The following PID1 variants were observed in gnomAD, a reference collection of about 807,000 sequenced individuals.
PID1 encodes the protein phosphotyrosine interaction domain containing 1.
Under a neutral mutation model 19.1 loss-of-function variants are expected in PID1, and 10 were observed. The observed-to-expected ratio is 0.52, with a 90% CI of 0.32 to 0.89. The LOEUF is 0.89. Ranked by LOEUF, PID1 falls within the 40% of genes least tolerant of loss-of-function variation. The pLI, the probability that PID1 is intolerant of heterozygous loss-of-function variation, is 0.03. For missense variants in PID1, 248 were observed against 285.3 expected, an observed-to-expected ratio of 0.87 and a Z score of 0.94; for synonymous variants, 130 against 116.0, an observed-to-expected ratio of 1.12 and a Z score of -0.78.
intron 1 of PID1, among the ~76,000 whole-genome samples, chr2:229,228,504 A>G (rs1692131061): frequency 6.6e-6 from 1 of 152,248 alleles, no homozygotes; most frequent in African/African-American, 2.4e-5. Flanking sequence ...TCCTGCAAAT[A>G]TATAAATTTA....
chr2:229,052,885 T>G (rs1694024204), intron 2 of PID1, among the ~76,000 whole-genome samples: 1 of 152,194 alleles, frequency 6.6e-6, no homozygotes, highest in African/African-American at 2.4e-5. Flanking sequence ...AAGTTTCTTT[T>G]ATAAGTAAGA....
chr2:229,263,013 G>A (rs1294601879), intron 1 of PID1: 3 of 949,590 alleles, frequency 3.2e-6, no homozygotes, highest in South Asian at 2.7e-5. Context: ...CAGGTACCAG[G>A]GGTTAAGACT....
chr2:229,049,961 A>G (rs1693959422), intron 2 of PID1, among the ~76,000 whole-genome samples: 1 of 152,182 alleles, frequency 6.6e-6, no homozygotes, highest in African/African-American at 2.4e-5. Flanking sequence ...ATATATACAC[A>G]TTTGTATCTA....
At chr2:229,225,502 G>T (rs1692058689) in intron 1 of PID1, among the ~76,000 whole-genome samples, 1 of 152,106 alleles carries the variant, frequency 6.6e-6, no homozygotes, top group African/African-American at 2.4e-5. Context: ...CTACTCCAGG[G>T]CCAGGGTGTA....
At chr2:229,212,277 A>C (rs1691754429) in intron 1 of PID1, among the ~76,000 whole-genome samples, 1 of 152,224 alleles carries the variant, frequency 6.6e-6, no homozygotes, top group Non-Finnish European at 1.5e-5. Context: ...GAAATTTATA[A>C]TTCCCTTTCA....
At chr2:229,103,089 T>A (rs1695105913) in intron 2 of PID1, among the ~76,000 whole-genome samples, 1 of 152,188 alleles carries the variant, frequency 6.6e-6, no homozygotes, top group African/African-American at 2.4e-5. Flanking sequence ...GGTTCCTCTT[T>A]TTGAATCAGG....
chr2:229,128,157 C>T (rs1285507945), intron 2 of PID1, among the ~76,000 whole-genome samples: 1 of 152,156 alleles, frequency 6.6e-6, no homozygotes, highest in Non-Finnish European at 1.5e-5. Context: ...ACCAGAGTCC[C>T]CCAAACTTCA....
rs796207034 is a variant in PID1 at position 229,139,042 on chromosome 2, A to C, written c.177+16776T>G. Among the ~76,000 whole-genome samples, 69 of 79,054 alleles carry C rather than the reference A, an allele frequency of 8.7e-4. 1 individual carries two copies. Among genetic ancestry groups the C allele is most frequent in the Non-Finnish European group, 1.4e-3 (49 of 35,702 alleles). 51.9% of individuals were successfully genotyped at this position (79,054 alleles called of 152,430 possible). Reference sequence around the variant, plus strand: ...AAGAAAGAAAGAAAGAAAGAAAGAGAAAGAAAGAAAGAAAGAGAAAGAAAG... The same window carrying C: ...AAGAAAGAAAGAAAGAAAGAAAGAGCAAGAAAGAAAGAAAGAGAAAGAAAG... On this transcript the variant is annotated intron_variant, in intron 2 of 2. Transcript: ENST00000392055.
chr2:229,199,695 T>C (rs1038794010), intron 1 of PID1, among the ~76,000 whole-genome samples: 4 of 146,884 alleles, frequency 2.7e-5, no homozygotes, highest in African/African-American at 9.9e-5. Flanking sequence ...ATATATGTCT[T>C]CAAGACAAAT....
At chr2:229,195,067 G>A (rs1343690222) in intron 1 of PID1, among the ~76,000 whole-genome samples, 1 of 151,772 alleles carries the variant, frequency 6.6e-6, no homozygotes, top group Non-Finnish European at 1.5e-5. Flanking sequence ...TTGTCCATGA[G>A]GTTGAATCAT....
At chr2:229,169,705 T>G (rs556577542) in intron 1 of PID1, among the ~76,000 whole-genome samples, 2 of 152,186 alleles carry the variant, frequency 1.3e-5, no homozygotes, top group African/African-American at 4.8e-5. Flanking sequence ...GTCAGCTTCC[T>G]ATCTGCCTTC....
intron 2 of PID1, among the ~76,000 whole-genome samples, chr2:229,129,698 G>A (rs1222483587): frequency 6.6e-6 from 1 of 152,226 alleles, no homozygotes; most frequent in South Asian, 2.1e-4. Flanking sequence ...CAATCTATTT[G>A]TCCCTTTTCC....
At chr2:229,040,536 C>A (rs1287963548) in intron 2 of PID1, among the ~76,000 whole-genome samples, 1 of 151,804 alleles carries the variant, frequency 6.6e-6, no homozygotes, top group Non-Finnish European at 1.5e-5. Flanking sequence ...ACTTCTTTAA[C>A]TATACCTTTT....
chr2:229,030,947 G>A (rs1693535922), intron 2 of PID1, among the ~76,000 whole-genome samples: 1 of 152,106 alleles, frequency 6.6e-6, no homozygotes, highest in South Asian at 2.1e-4. Context: ...GCCGGGTGCA[G>A]TGGCTCACAC....
intron 2 of PID1, among the ~76,000 whole-genome samples, chr2:229,076,467 A>T (rs1280046794): frequency 2.6e-5 from 4 of 152,026 alleles, no homozygotes; most frequent in African/African-American, 9.7e-5. Context: ...ACAGGTATAC[A>T]TGTGCCATGG....
chr2:229,256,329 C>T (rs1347368238), intron 1 of PID1, among the ~76,000 whole-genome samples: 1 of 152,174 alleles, frequency 6.6e-6, no homozygotes, highest in East Asian at 1.9e-4. Context: ...ATTTTCGAAC[C>T]CTGGAAATGA....
intron 1 of PID1, among the ~76,000 whole-genome samples, chr2:229,258,181 A>T (rs1330906821): frequency 6.6e-6 from 1 of 152,204 alleles, no homozygotes; most frequent in Non-Finnish European, 1.5e-5. Context: ...AACAGGAGAA[A>T]AATGCATGAA....
At chr2:229,200,351 T>TTTG (rs1691472753) in intron 1 of PID1, among the ~76,000 whole-genome samples, 1 of 151,972 alleles carries the variant, frequency 6.6e-6, no homozygotes, top group East Asian at 1.9e-4. Flanking sequence ...ATCCCAATAG[T>TTTG]TTGTTTTGCT....
At chr2:229,163,674 T>TGTGC (rs374622113) in intron 1 of PID1, among the ~76,000 whole-genome samples, 2,215 of 94,416 alleles carry the variant, frequency 0.023, 65 homozygotes, top group African/African-American at 0.065. Context: ...TGTGTGTGTG[T>TGTGC]GCGTGTGCGT....
Sources: gnomAD v4.1 joint callset for allele counts (sites outside exome capture counted in the v4.1 genomes callset) on GRCh38, gnomAD v4.1.1 for gene constraint, MANE v1.5 for transcripts, NCBI Gene and HGNC (gene_info 2026-07-23, HGNC 2026-07-21) for gene names.